The following CHODL variants were observed in gnomAD, a reference collection of about 807,000 sequenced individuals.
The protein encoded by CHODL is chondrolectin, also known as transmembrane protein MT75.
Under a neutral mutation model 34.5 loss-of-function variants are expected in CHODL, and 29 were observed. The ratio of observed to expected loss-of-function variants is 0.84; its 90% CI spans 0.63 to 1.15. CHODL has a LOEUF of 1.15. Among genes scored for constraint, CHODL ranks in the 50% most tolerant of loss-of-function variants. The pLI is 0.00. For missense variants in CHODL, 332 were observed against 332.5 expected, an observed-to-expected ratio of 1.00 and a Z score of 0.01; for synonymous variants, 125 against 116.1, an observed-to-expected ratio of 1.08 and a Z score of -0.49.
Position 18,070,535 on chromosome 21 carries a change from C to A in CHODL, c.-45+42564C>A, listed in dbSNP as rs556902334. Among the ~76,000 whole-genome samples, 7 of 152,228 alleles carry A rather than the reference C, an allele frequency of 4.6e-5. No homozygotes were observed. The East Asian group carries it at 1.2e-3, about 25-fold the overall frequency. ...TATTTCATAATGGGCATTAAGCCTG[C>A]CTGCCTTTTGCTCAGCAGGAAGGCA... On this transcript the variant is annotated intron_variant, in intron 2 of 6. Coordinates refer to the CHODL transcript ENST00000400127.
chr21:18,155,097 A>T (rs2146633686), intron 2 of CHODL, among the ~76,000 whole-genome samples: 1 of 152,346 alleles, frequency 6.6e-6, no homozygotes, highest in Non-Finnish European at 1.5e-5. Flanking sequence ...ATATAGGGTT[A>T]GACAGACATA....
chr21:18,112,043 G>T (rs2065357550), intron 2 of CHODL, among the ~76,000 whole-genome samples: 1 of 152,198 alleles, frequency 6.6e-6, no homozygotes, highest in Non-Finnish European at 1.5e-5. Context: ...AGCAAGTACT[G>T]TAATAGATAA....
At chr21:18,029,500 T>A (rs2064222366) in intron 2 of CHODL, among the ~76,000 whole-genome samples, 1 of 152,044 alleles carries the variant, frequency 6.6e-6, no homozygotes, top group South Asian at 2.1e-4. Context: ...AAAATAGTAA[T>A]CTTTACTTGT....
At chr21:18,165,470 C>T (rs2073141176) in intron 2 of CHODL, among the ~76,000 whole-genome samples, 1 of 152,140 alleles carries the variant, frequency 6.6e-6, no homozygotes, top group Non-Finnish European at 1.5e-5. Flanking sequence ...TTTGAAACAG[C>T]AATAATATTT....
chr21:18,133,479 A>G (rs1287429155), intron 2 of CHODL, among the ~76,000 whole-genome samples: 1 of 152,186 alleles, frequency 6.6e-6, no homozygotes, highest in Non-Finnish European at 1.5e-5. Context: ...CCATGCACAC[A>G]CACATACTAT....
At chr21:17,967,800 A>C (rs1382440620) in intron 1 of CHODL, among the ~76,000 whole-genome samples, 3 of 152,154 alleles carry the variant, frequency 2.0e-5, no homozygotes, top group African/African-American at 7.2e-5. Context: ...TCGATTAATC[A>C]ATCAACAGAT....
intron 5 of CHODL, among the ~76,000 whole-genome samples, chr21:18,264,710 A>G (rs2074429819): frequency 6.6e-6 from 1 of 152,026 alleles, no homozygotes; most frequent in Non-Finnish European, 1.5e-5. Context: ...AAGACAGAAG[A>G]TAGCAGAACC....
chr21:18,168,067 GACTCCA>G (rs1458335834), intron 2 of CHODL, among the ~76,000 whole-genome samples: 2 of 152,082 alleles, frequency 1.3e-5, no homozygotes, highest in South Asian at 2.1e-4. Context: ...TCAAATATCG[GACTCCA>G]AGTTCTTCAA....
rs147197823 is a variant in CHODL, at chr21:18,046,203, C to T, written c.-45+18232C>T. Among the ~76,000 whole-genome samples the T allele has an allele frequency of 3.6e-4, 55 of 151,914 alleles. No individual in the cohort carries two copies. In the East Asian group the frequency reaches 4.7e-3, roughly 13 times the overall value. On this transcript the variant is annotated intron_variant, in intron 2 of 6. Transcript: ENST00000400127. ...GCCAACGCCAGATTCCAAAAGGCCACGTAGACATGGGAAAGAGCTGGGATT... is the reference window on the plus strand; with the variant it reads ...GCCAACGCCAGATTCCAAAAGGCCATGTAGACATGGGAAAGAGCTGGGATT...
intron 2 of CHODL, among the ~76,000 whole-genome samples, chr21:18,125,663 T>A (rs1213432613): frequency 6.6e-6 from 1 of 152,086 alleles, no homozygotes; most frequent in Non-Finnish European, 1.5e-5. Context: ...TGGTACGATC[T>A]CAGCTCACTG....
At chr21:18,265,438 C>T (rs1276959988) in intron 5 of CHODL, among the ~76,000 whole-genome samples, 1 of 151,884 alleles carries the variant, frequency 6.6e-6, no homozygotes, top group East Asian at 1.9e-4. Flanking sequence ...AACTAAGCAT[C>T]GTACATTCTC....
At chr21:18,262,744 A>T in intron 4 of CHODL, 47 bp from the exon 5 acceptor site, 1 of 1,103,290 alleles carries the variant, frequency 9.1e-7, no homozygotes, top group Non-Finnish European at 1.4e-6. Flanking sequence ...TTGCTTTAGA[A>T]TTCTTCCTCA....
chr21:18,206,649 T>G (rs2073715067), intron 2 of CHODL, among the ~76,000 whole-genome samples: 1 of 151,922 alleles, frequency 6.6e-6, no homozygotes, highest in African/African-American at 2.4e-5. Flanking sequence ...CCATTTACAT[T>G]CATTGTTATT....
intron 1 of CHODL, among the ~76,000 whole-genome samples, chr21:17,952,242 A>T (rs1014588497): frequency 6.6e-6 from 1 of 151,510 alleles, no homozygotes; most frequent in Admixed American, 6.6e-5. Context: ...TCCAAGAACG[A>T]TGACCAACAC....
chr21:17,983,087 G>T (rs1251908143), intron 1 of CHODL, among the ~76,000 whole-genome samples: 1 of 151,988 alleles, frequency 6.6e-6, no homozygotes, highest in African/African-American at 2.4e-5. Context: ...TTTAACATAC[G>T]CATTCCTAGG....
rs1475167461 is a variant in CHODL, at chr21:18,138,883, A to G, written c.-45+110912A>G. ...GCCAAGACTTAGGAATATATCAAAT[A>G]GGAGCTGATGTTTCATTTCTTGGAG... On this transcript the variant is annotated intron_variant, in intron 2 of 6. Coordinates refer to the CHODL transcript ENST00000400127. 7.2e-5 allele frequency among the ~76,000 whole-genome samples: 11 copies of G among 152,188 alleles called. 1 individual carries two copies. The highest frequency in any genetic ancestry group is 7.2e-4 in the Admixed American group (11 of 15,268).
chr21:18,251,616 A>G (rs1449237024), intron 1 of CHODL, among the ~76,000 whole-genome samples: 1 of 94,208 alleles, frequency 1.1e-5, no homozygotes, highest in African/African-American at 3.8e-5. Context: ...TTTAATATAT[A>G]AAATATTTAT....
At chr21:18,211,849 A>G (rs955526680) in intron 2 of CHODL, among the ~76,000 whole-genome samples, 2 of 152,098 alleles carry the variant, frequency 1.3e-5, no homozygotes, top group African/African-American at 2.4e-5. Flanking sequence ...TGCTAGTTGC[A>G]TTTTTTTATT....
At chr21:18,207,807 A>AAAAGTCTAC (rs1288055239) in intron 2 of CHODL, among the ~76,000 whole-genome samples, 1 of 151,860 alleles carries the variant, frequency 6.6e-6, no homozygotes, top group African/African-American at 2.4e-5. Context: ...GCCTGTAAGG[A>AAAAGTCTAC]AAAGTCTACT....
Sources: allele counts gnomAD v4.1 joint callset (sites outside exome capture counted in the v4.1 genomes callset), GRCh38; gene constraint gnomAD v4.1.1; transcripts MANE v1.5; gene names NCBI Gene and HGNC (gene_info 2026-07-23, HGNC 2026-07-21).